The following DIAPH3 variants were observed in gnomAD, a reference collection of about 807,000 sequenced individuals.
The protein encoded by DIAPH3 is protein diaphanous homolog 3.
Under a neutral mutation model 144.3 loss-of-function variants are expected in DIAPH3, and 117 were observed. The ratio of observed to expected loss-of-function variants is 0.81; its 90% confidence interval spans 0.70 to 0.95. The LOEUF (loss-of-function observed/expected upper bound fraction) is 0.95. Ranked by LOEUF, DIAPH3 falls within the 40% of genes least tolerant of loss-of-function variation. DIAPH3 has a pLI of 0.00. For missense variants in DIAPH3, 1,421 were observed against 1,412.7 expected, an observed-to-expected ratio of 1.01 and a Z score of -0.09; for synonymous variants, 519 against 488.9, an observed-to-expected ratio of 1.06 and a Z score of -0.81.
chr13:59,976,575 T>C (rs140197535), intron 14 of DIAPH3, among the ~76,000 whole-genome samples: 2 of 151,950 alleles, frequency 1.3e-5, no homozygotes, highest in East Asian at 3.9e-4. Flanking sequence ...CCTCTTTTCC[T>C]GTATGTTCCA....
intron 27 of DIAPH3, among the ~76,000 whole-genome samples, chr13:59,678,322 G>GA (rs1473587590): frequency 2.0e-5 from 3 of 151,946 alleles, no homozygotes; most frequent in African/African-American, 4.8e-5. Flanking sequence ...GAAAATGAGT[G>GA]AAAAAAAGAA....
chr13:60,082,208 A>G (rs1175264175), intron 4 of DIAPH3, among the ~76,000 whole-genome samples: 1 of 151,998 alleles, frequency 6.6e-6, no homozygotes, highest in Non-Finnish European at 1.5e-5. Context: ...ACAAGAATAA[A>G]CATAATGTCA....
At chr13:59,756,929 A>G (rs1299389273) in intron 27 of DIAPH3, among the ~76,000 whole-genome samples, 1 of 152,252 alleles carries the variant, frequency 6.6e-6, no homozygotes, top group East Asian at 1.9e-4. Flanking sequence ...TAGAGAAAAA[A>G]GAAAGAGGAA....
chr13:59,937,347 G>A (rs892208804), intron 17 of DIAPH3, among the ~76,000 whole-genome samples: 9 of 152,182 alleles, frequency 5.9e-5, no homozygotes, highest in Non-Finnish European at 1.3e-4. Context: ...AAAGTCATGA[G>A]TGAGAACTCA....
At chr13:59,743,554 C>G (rs1259863423) in intron 27 of DIAPH3, among the ~76,000 whole-genome samples, 1 of 151,970 alleles carries the variant, frequency 6.6e-6, no homozygotes, top group East Asian at 1.9e-4. Context: ...TGTGAGAGCC[C>G]AAACTAAGAA....
rs368753782 is a variant in DIAPH3, at chr13:60,010,619, G to A, written c.822C>T (p.Ala274=). 47 of 1,613,530 alleles carry A rather than the reference G, an allele frequency of 2.9e-5. No homozygotes were observed. The highest frequency in any genetic ancestry group is 3.9e-5 in the Non-Finnish European group (46 of 1,179,832). Residue 274 remains alanine, a synonymous_variant, in exon 8 of 28, where the codon GCC becomes GCT. Coordinates refer to ENST00000400324, the MANE Select transcript of DIAPH3 (RefSeq NM_001042517.2). ...TGGGGTGTCTGGGATCCACGGCTTT[G>A]GCCAATAAGGAAAGGCTCCTCTCCT... The part of the protein sequence containing the change: ...MSEERSLSLL[A]KAVDPRHPNM...
At chr13:59,723,735 C>T (rs557432769) in intron 27 of DIAPH3, among the ~76,000 whole-genome samples, 153 of 152,056 alleles carry the variant, frequency 1.0e-3, no homozygotes, top group Admixed American at 3.9e-3. Flanking sequence ...CTCTGCCTCC[C>T]AAGTAGCTGG....
intron 17 of DIAPH3, among the ~76,000 whole-genome samples, chr13:59,941,046 A>G (rs1334190006): frequency 6.6e-6 from 1 of 152,178 alleles, no homozygotes; most frequent in East Asian, 1.9e-4. Flanking sequence ...CTCTGGGGAG[A>G]AAAGATAAAC....
At chr13:60,009,727 C>T (rs2053121972) in intron 8 of DIAPH3, among the ~76,000 whole-genome samples, 1 of 152,108 alleles carries the variant, frequency 6.6e-6, no homozygotes, top group Non-Finnish European at 1.5e-5. Context: ...ACCATCAAGC[C>T]GAACCTGCTC....
rs190890086 is a variant in DIAPH3, at chr13:60,002,093, C to T, written c.1014+6451G>A. On this transcript the variant is annotated intron_variant, in intron 9 of 27. Coordinates refer to ENST00000400324, the MANE Select transcript of DIAPH3 (RefSeq NM_001042517.2). Reference sequence around the variant, plus strand: ...TCATACTGTATCTGAATTAACACCTCGGGCCAAGTGGAAAGATGAATCAAA... The same window carrying T: ...TCATACTGTATCTGAATTAACACCTTGGGCCAAGTGGAAAGATGAATCAAA... 1.9e-3 allele frequency among the ~76,000 whole-genome samples: 294 copies of T among 152,238 alleles called. 2 individuals are homozygous for T. The highest frequency in any genetic ancestry group is 6.7e-3 in the African/African-American group (277 of 41,554).
chr13:60,068,214 C>T (rs146159022), intron 4 of DIAPH3, among the ~76,000 whole-genome samples: 5 of 152,252 alleles, frequency 3.3e-5, no homozygotes, highest in East Asian at 3.9e-4. Flanking sequence ...CATTTCTACA[C>T]CATAGAGTTC....
At chr13:59,891,635 T>A (rs962279270) in intron 20 of DIAPH3, among the ~76,000 whole-genome samples, 11 of 152,042 alleles carry the variant, frequency 7.2e-5, no homozygotes, top group African/African-American at 2.7e-4. Flanking sequence ...ATATTCTAGG[T>A]AATTTTTTAC....
intron 19 of DIAPH3, 77 bp from the exon 20 acceptor site, chr13:59,911,913 T>C (rs978499992): frequency 3.2e-5 from 37 of 1,144,458 alleles, no homozygotes; most frequent in African/African-American, 1.7e-4. Flanking sequence ...TAAAAACTAC[T>C]GAAAGAAAAC....
chr13:60,136,895 G>C (rs533530410), intron 1 of DIAPH3, among the ~76,000 whole-genome samples: 10 of 151,912 alleles, frequency 6.6e-5, no homozygotes, highest in Admixed American at 4.6e-4. Context: ...AGCCGAGATT[G>C]TGCCACTGCA....
intron 27 of DIAPH3, among the ~76,000 whole-genome samples, chr13:59,716,934 C>G (rs1259892576): frequency 6.6e-6 from 1 of 151,712 alleles, no homozygotes; most frequent in African/African-American, 2.4e-5. Context: ...ACTACAATGA[C>G]AGATGGACCT....
intron 20 of DIAPH3, among the ~76,000 whole-genome samples, chr13:59,889,313 A>G (rs1013035596): frequency 5.3e-5 from 8 of 152,040 alleles, no homozygotes; most frequent in Non-Finnish European, 1.0e-4. Flanking sequence ...CTTTCTTCCT[A>G]CATAACTAAG....
chr13:60,135,019 G>A (rs1176542806), intron 1 of DIAPH3, among the ~76,000 whole-genome samples: 2 of 152,000 alleles, frequency 1.3e-5, no homozygotes, highest in Admixed American at 6.6e-5. Flanking sequence ...CTACATAAAA[G>A]ATACAGAAAG....
chr13:59,739,239 C>T (rs181659800), intron 27 of DIAPH3, among the ~76,000 whole-genome samples: 5 of 152,306 alleles, frequency 3.3e-5, no homozygotes, highest in Admixed American at 1.3e-4. Flanking sequence ...AAACTGACTA[C>T]GTTTCATCTA....
intron 18 of DIAPH3, among the ~76,000 whole-genome samples, chr13:59,921,066 A>G (rs1045781975): frequency 3.3e-5 from 5 of 151,630 alleles, no homozygotes; most frequent in Admixed American, 2.6e-4. Context: ...AACACAACAT[A>G]CCAAAATATA....
Sources: gnomAD v4.1 joint callset for allele counts (sites outside exome capture counted in the v4.1 genomes callset) on GRCh38, gnomAD v4.1.1 for gene constraint, MANE v1.5 for transcripts, NCBI Gene and HGNC (gene_info 2026-07-23, HGNC 2026-07-21) for gene names.